HACE1: variants seen among roughly 807,000 people sequenced by gnomAD.
HACE1 encodes HECT domain and ankyrin repeat containing E3 ubiquitin protein ligase 1.
Under a neutral mutation model 118.4 loss-of-function variants are expected in HACE1, and 73 were observed. The observed-to-expected ratio is 0.62, with a 90% CI of 0.51 to 0.75. HACE1 has a LOEUF of 0.75. Among genes scored for constraint, HACE1 ranks in the 30% least tolerant of loss-of-function variants. HACE1 has a pLI of 0.00. For missense variants in HACE1, 749 were observed against 1,102.2 expected, an observed-to-expected ratio of 0.68 and a Z score of 4.54; for synonymous variants, 368 against 374.8, an observed-to-expected ratio of 0.98 and a Z score of 0.21.
chr6:104,808,642 C>G (rs1771284516), intron 7 of HACE1, among the ~76,000 whole-genome samples: 1 of 152,018 alleles, frequency 6.6e-6, no homozygotes, highest in African/African-American at 2.4e-5. Flanking sequence ...ACTTATCAAC[C>G]AATAAAAACT....
chr6:104,732,827 AG>A (rs1337528721), intron 22 of HACE1, among the ~76,000 whole-genome samples: 1 of 152,200 alleles, frequency 6.6e-6, no homozygotes, highest in Non-Finnish European at 1.5e-5. Context: ...CCCTAAAAAC[AG>A]CAATTTTCTC....
chr6:104,790,009 A>G (rs1782848783), intron 11 of HACE1, among the ~76,000 whole-genome samples: 1 of 152,112 alleles, frequency 6.6e-6, no homozygotes, highest in African/African-American at 2.4e-5. Flanking sequence ...GTGGTACGTG[A>G]AAAGCCACAT....
chr6:104,801,849 A>C (rs960528165), intron 7 of HACE1, among the ~76,000 whole-genome samples: 1 of 152,172 alleles, frequency 6.6e-6, no homozygotes, highest in Non-Finnish European at 1.5e-5. Flanking sequence ...TCAAATTCAC[A>C]CATAACAATA....
intron 19 of HACE1, among the ~76,000 whole-genome samples, chr6:104,751,988 A>C (rs1242351523): frequency 6.6e-6 from 1 of 151,726 alleles, no homozygotes; most frequent in Non-Finnish European, 1.5e-5. Flanking sequence ...AAAGACCAAA[A>C]AAAGGCACTG....
At chr6:104,831,937 A>G (rs1247327303) in intron 6 of HACE1, among the ~76,000 whole-genome samples, 1 of 94,334 alleles carries the variant, frequency 1.1e-5, no homozygotes, top group East Asian at 3.0e-4. Context: ...AGAGAAGAGA[A>G]GAGAAGAGAA....
chr6:104,809,498 G>A (rs1185415791), intron 7 of HACE1, among the ~76,000 whole-genome samples: 1 of 152,142 alleles, frequency 6.6e-6, no homozygotes, highest in Non-Finnish European at 1.5e-5. Flanking sequence ...GGAACGCAAA[G>A]AGAATCACTG....
At chr6:104,825,590 T>G (rs1286969257) in intron 6 of HACE1, among the ~76,000 whole-genome samples, 1 of 152,186 alleles carries the variant, frequency 6.6e-6, no homozygotes, top group African/African-American at 2.4e-5. Context: ...ATCAGATGTT[T>G]GCATAGGGGT....
At chr6:104,795,714 AT>A in intron 9 of HACE1, 29 bp from the exon 10 acceptor site, 1 of 1,292,056 alleles carries the variant, frequency 7.7e-7, no homozygotes, top group Non-Finnish European at 1.1e-6. Flanking sequence ...AAAAAATGTG[AT>A]TACATAGTAA....
At chr6:104,837,308 A>G (rs1774641368) in intron 5 of HACE1, among the ~76,000 whole-genome samples, 1 of 152,238 alleles carries the variant, frequency 6.6e-6, no homozygotes, top group African/African-American at 2.4e-5. Context: ...GATCAGTGGA[A>G]TGAATATAAA....
chr6:104,783,093 C>A (rs1781913797), intron 14 of HACE1, among the ~76,000 whole-genome samples: 1 of 152,184 alleles, frequency 6.6e-6, no homozygotes, highest in East Asian at 1.9e-4. Context: ...CACAAAATTT[C>A]TGCTGCAATA....
At chr6:104,805,475 C>A (rs1022605541) in intron 7 of HACE1, among the ~76,000 whole-genome samples, 2 of 152,126 alleles carry the variant, frequency 1.3e-5, no homozygotes, top group Non-Finnish European at 2.9e-5. Context: ...CCGTGATAGA[C>A]TGGATTAAGA....
At position 104,851,002 on chromosome 6, in the gene HACE1, C is replaced by T. The variant is rs767238906; in HGVS notation, c.132-6G>A. ...ATAGTAGTTCAGAAACAGACCTATGCCAAAATAAAAATGAGGAATCAAGTG... is the reference window on the plus strand; with the variant it reads ...ATAGTAGTTCAGAAACAGACCTATGTCAAAATAAAAATGAGGAATCAAGTG... On this transcript the variant is annotated splice_polypyrimidine_tract_variant and splice_region_variant and intron_variant, in intron 2 of 23. Coordinates refer to ENST00000262903, the MANE Select transcript of HACE1 (RefSeq NM_020771.4). The T allele has an allele frequency of 3.9e-6, 6 of 1,543,238 alleles. No homozygotes were observed. The African/African-American group carries it at 5.4e-5, about 14-fold the overall frequency.
At chr6:104,856,525 C>T (rs994331312) in intron 1 of HACE1, among the ~76,000 whole-genome samples, 1 of 151,950 alleles carries the variant, frequency 6.6e-6, no homozygotes, top group Non-Finnish European at 1.5e-5. Flanking sequence ...ACCTCCGCCT[C>T]CCAGGTTCAA....
Position 104,852,234 on chromosome 6 carries a change from C to T in HACE1, c.131+83G>A, listed in dbSNP as rs941108524. On this transcript the variant is annotated intron_variant, in intron 2 of 23. Coordinates refer to ENST00000262903, the MANE Select transcript of HACE1 (RefSeq NM_020771.4). ...GTGTGTGTGTGTGTGTGTGTGCGCGCGTGCGCGTGCACGGGCATGCAGTAC... is the reference window on the plus strand; with the variant it reads ...GTGTGTGTGTGTGTGTGTGTGCGCGTGTGCGCGTGCACGGGCATGCAGTAC... The T allele has an allele frequency of 7.4e-3, 5,259 of 711,978 alleles. 231 individuals are homozygous for T. The African/African-American group carries it at 0.11, about 14-fold the overall frequency. 44.1% of individuals were successfully genotyped at this position (711,978 alleles called of 1,614,324 possible).
At chr6:104,796,586 T>C (rs1769659259) in intron 9 of HACE1, 69 bp downstream of exon 9, 1 of 825,580 alleles carries the variant, frequency 1.2e-6, no homozygotes, top group Non-Finnish European at 2.1e-6. Context: ...AGCACATTTG[T>C]AAAATGTCAT....
At chr6:104,752,612 T>G (rs921640414) in intron 19 of HACE1, among the ~76,000 whole-genome samples, 3 of 152,128 alleles carry the variant, frequency 2.0e-5, no homozygotes, top group Non-Finnish European at 4.4e-5. Flanking sequence ...TCATGAAGCA[T>G]GAAAATAAAA....
intron 1 of HACE1, among the ~76,000 whole-genome samples, chr6:104,858,130 T>A (rs1409826575): frequency 2.0e-5 from 3 of 152,160 alleles, no homozygotes; most frequent in African/African-American, 7.2e-5. Context: ...TTTTCTACAA[T>A]GAAACTATAT....
chr6:104,773,796 G>C (rs1780888006), intron 17 of HACE1, among the ~76,000 whole-genome samples: 1 of 149,930 alleles, frequency 6.7e-6, no homozygotes, highest in Admixed American at 6.6e-5. Flanking sequence ...AAACATATAG[G>C]GAGAAAATCT....
intron 22 of HACE1, 37 bp from the exon 23 acceptor site, chr6:104,730,453 A>G: frequency 2.1e-6 from 2 of 971,624 alleles, no homozygotes; most frequent in Non-Finnish European, 3.4e-6. Context: ...TAATCATGAA[A>G]GAAAGATATT....
Sources: gnomAD v4.1 joint callset for allele counts (sites outside exome capture counted in the v4.1 genomes callset) on GRCh38, gnomAD v4.1.1 for gene constraint, MANE v1.5 for transcripts, NCBI Gene and HGNC (gene_info 2026-07-23, HGNC 2026-07-21) for gene names.